The following SLCO3A1 variants were observed in gnomAD, a reference collection of about 807,000 sequenced individuals.
The protein encoded by SLCO3A1 is PGE1 transporter.
Under a neutral mutation model 63.1 loss-of-function variants are expected in SLCO3A1, and 27 were observed. That is an observed-to-expected ratio of 0.43 (90% confidence interval 0.32 to 0.59). The LOEUF is 0.59. Ranked by LOEUF, SLCO3A1 falls within the 20% of genes least tolerant of loss-of-function variation. The pLI, the probability that SLCO3A1 is intolerant of heterozygous loss-of-function variation, is 0.09. For synonymous variants in SLCO3A1, 473 were observed against 409.9 expected (o/e 1.15, Z -1.86); for missense variants, 773 against 945.8 (o/e 0.82, Z 2.40).
chr15:92,034,027 T>C (rs2046691031), intron 2 of SLCO3A1, among the ~76,000 whole-genome samples: 1 of 146,800 alleles, frequency 6.8e-6, no homozygotes, highest in African/African-American at 2.4e-5. Flanking sequence ...TGGGCTGATC[T>C]TGGCTTTTAT....
In SLCO3A1 at chr15:92,096,980, A is replaced by G. The variant is rs1481057995; in HGVS notation, c.745+2001A>G. ...GTGAGTCAGTTTCCATCTTGCTCGTATAGACAGGCCAGCTTCCACCACTGC... is the reference window on the plus strand; with the variant it reads ...GTGAGTCAGTTTCCATCTTGCTCGTGTAGACAGGCCAGCTTCCACCACTGC... On this transcript the variant is annotated intron_variant, in intron 3 of 9. Transcript: ENST00000318445. Among the ~76,000 whole-genome samples, 3 of 152,284 alleles carry G rather than the reference A, an allele frequency of 2.0e-5. No individual in the cohort carries two copies. In the East Asian group the frequency reaches 5.8e-4, roughly 29 times the overall value.
At chr15:91,873,776 A>C (rs1194478872) in intron 1 of SLCO3A1, among the ~76,000 whole-genome samples, 6 of 152,198 alleles carry the variant, frequency 3.9e-5, no homozygotes, top group Non-Finnish European at 7.3e-5. Flanking sequence ...AATGTTCCCA[A>C]AATATCTCTA....
chr15:92,041,943 G>T (rs1474927638), intron 2 of SLCO3A1, among the ~76,000 whole-genome samples: 1 of 152,098 alleles, frequency 6.6e-6, no homozygotes, highest in Non-Finnish European at 1.5e-5. Context: ...AGTATGGTGG[G>T]GGTGGGGTGT....
At chr15:91,873,665 A>G (rs1897331262) in intron 1 of SLCO3A1, among the ~76,000 whole-genome samples, 1 of 152,090 alleles carries the variant, frequency 6.6e-6, no homozygotes, top group Non-Finnish European at 1.5e-5. Flanking sequence ...TTCATAAACT[A>G]TGGTCATTTC....
At chr15:91,905,617 G>T (rs1001971254) in intron 1 of SLCO3A1, among the ~76,000 whole-genome samples, 1 of 149,012 alleles carries the variant, frequency 6.7e-6, no homozygotes, top group Non-Finnish European at 1.5e-5. Context: ...TGTTTTCAAG[G>T]GATGCTTAGT....
At chr15:92,144,300 G>C (rs1332417626) in intron 7 of SLCO3A1, among the ~76,000 whole-genome samples, 1 of 151,996 alleles carries the variant, frequency 6.6e-6, no homozygotes, top group Non-Finnish European at 1.5e-5. Flanking sequence ...TCAGAGACGT[G>C]GCTTTGACTT....
chr15:92,002,742 T>C (rs2046269911), intron 2 of SLCO3A1, among the ~76,000 whole-genome samples: 1 of 152,228 alleles, frequency 6.6e-6, no homozygotes, highest in African/African-American at 2.4e-5. Context: ...TATTCTATAA[T>C]ATTTGAATTA....
At chr15:91,919,768 T>C (rs986122988) in intron 2 of SLCO3A1, among the ~76,000 whole-genome samples, 17 of 152,294 alleles carry the variant, frequency 1.1e-4, no homozygotes, top group Middle Eastern at 3.4e-3. Context: ...CTTTTTTTTT[T>C]CAAGGAGGAA....
intron 2 of SLCO3A1, among the ~76,000 whole-genome samples, chr15:92,038,061 T>C (rs1285044991): frequency 6.6e-6 from 1 of 152,192 alleles, no homozygotes; most frequent in Non-Finnish European, 1.5e-5. Flanking sequence ...CCCATGAAGG[T>C]CACAGAAGAG....
chr15:92,101,987 C>T (rs771278461), intron 3 of SLCO3A1, among the ~76,000 whole-genome samples: 5 of 152,172 alleles, frequency 3.3e-5, no homozygotes, highest in Non-Finnish European at 7.3e-5. Flanking sequence ...GTTGTTTTCT[C>T]ACACTTAGAA....
At chr15:91,864,920 C>T (rs1294452385) in intron 1 of SLCO3A1, among the ~76,000 whole-genome samples, 1 of 152,204 alleles carries the variant, frequency 6.6e-6, no homozygotes, top group Non-Finnish European at 1.5e-5. Context: ...TGTCACGCCT[C>T]ACCGTCCCTG....
chr15:91,958,385 C>T lies in SLCO3A1; in HGVS notation c.646+41927C>T, dbSNP rs115502353. Among the ~76,000 whole-genome samples, 251 of 152,344 alleles carry T rather than the reference C, an allele frequency of 1.6e-3. 1 individual carries two copies. The highest frequency in any genetic ancestry group is 5.8e-3 in the African/African-American group (241 of 41,576). Reference sequence around the variant, plus strand: ...TGGATCCCACACTCACTCAGCATTTCTGCATTTGATGTCATGGAGCAAAGA... The same window carrying T: ...TGGATCCCACACTCACTCAGCATTTTTGCATTTGATGTCATGGAGCAAAGA... On this transcript the variant is annotated intron_variant, in intron 2 of 9. Transcript: ENST00000318445.
At chr15:92,153,860 A>AAG (rs2048338718) in intron 9 of SLCO3A1, among the ~76,000 whole-genome samples, 1 of 152,088 alleles carries the variant, frequency 6.6e-6, no homozygotes, top group East Asian at 1.9e-4. Context: ...ACTGGGGGGA[A>AAG]AGGGGGGACA....
chr15:92,070,651 T>A (rs1372499162), intron 2 of SLCO3A1, among the ~76,000 whole-genome samples: 1 of 19,102 alleles, frequency 5.2e-5, no homozygotes, highest in Non-Finnish European at 1.5e-4. Context: ...ACTTTTTTTT[T>A]TTTTTTTTTT....
Position 91,853,986 on chromosome 15 carries a change from C to CAAGAAA in SLCO3A1, c.90_95dup (p.Lys31_Lys32dup). Reference sequence around the variant, plus strand: ...TGCAGGGGGACGAGGCGCAGAGGAACAAGAAAAAGAAAAAGAAGGTGTCCT... The same window carrying CAAGAAA: ...TGCAGGGGGACGAGGCGCAGAGGAACAAGAAAAAGAAAAAGAAAAAGAAGGTGTCCT... On this transcript the variant is annotated inframe_insertion, in exon 1 of 10. Coordinates refer to ENST00000318445, the MANE Select transcript of SLCO3A1 (RefSeq NM_013272.4). 1 of 1,531,856 alleles carries CAAGAAA rather than the reference C, an allele frequency of 6.5e-7. No homozygotes were observed. Among genetic ancestry groups the CAAGAAA allele is most frequent in the Non-Finnish European group, 8.8e-7 (1 of 1,138,792 alleles). 94.9% of individuals were successfully genotyped at this position (1,531,856 alleles called of 1,614,324 possible). A position where few individuals can be genotyped will look rare whatever the true frequency, so the allele number is the denominator to read the frequency against.
At chr15:92,045,292 A>AAAAAT (rs1326250740) in intron 2 of SLCO3A1, among the ~76,000 whole-genome samples, 59 of 151,784 alleles carry the variant, frequency 3.9e-4, no homozygotes, top group African/African-American at 1.4e-3. Context: ...AAAAAAAAAA[A>AAAAAT]AAAATTGTCT....
At position 91,969,823 on chromosome 15, in the gene SLCO3A1, C is replaced by A. The variant is rs555706638; in HGVS notation, c.646+53365C>A. The stretch of plus-strand genomic sequence containing the variant: ...AGCTATGTCTATGGTTTCCTGGTGG[C>A]GGGGGCTGGTCCACAGACCTAGAAT... On this transcript the variant is annotated intron_variant, in intron 2 of 9. Coordinates refer to ENST00000318445, the MANE Select transcript of SLCO3A1 (RefSeq NM_013272.4). 2.4e-4 allele frequency among the ~76,000 whole-genome samples: 36 copies of A among 152,154 alleles called. No homozygotes were observed. The South Asian group carries it at 6.9e-3, about 29-fold the overall frequency.
intron 2 of SLCO3A1, among the ~76,000 whole-genome samples, chr15:92,088,299 T>A (rs2047430576): frequency 6.6e-6 from 1 of 152,240 alleles, no homozygotes; most frequent in Non-Finnish European, 1.5e-5. Context: ...GCTTAGCATC[T>A]ACAACAGTGT....
intron 2 of SLCO3A1, among the ~76,000 whole-genome samples, chr15:92,074,922 C>T (rs896794217): frequency 1.2e-4 from 18 of 152,262 alleles, no homozygotes; most frequent in Admixed American, 5.9e-4. Context: ...AGGTGGATTC[C>T]GGGTCCTCTG....
Sources: gnomAD v4.1 joint callset for allele counts (sites outside exome capture counted in the v4.1 genomes callset) on GRCh38, gnomAD v4.1.1 for gene constraint, MANE v1.5 for transcripts, NCBI Gene and HGNC (gene_info 2026-07-23, HGNC 2026-07-21) for gene names.